DLC1: variants seen among roughly 807,000 people sequenced by gnomAD.
DLC1 encodes DLC1 Rho GTPase activating protein, also known as rho GTPase-activating protein 7.
Under a neutral mutation model 140.3 loss-of-function variants are expected in DLC1, and 54 were observed. The ratio of observed to expected loss-of-function variants is 0.38; its 90% CI spans 0.31 to 0.48. The LOEUF is 0.48. DLC1 is among the 20% of genes least tolerant of loss of function. The probability of loss-of-function intolerance (pLI) is 0.96; values close to 1 mark genes in which losing one functional copy is unlikely to be tolerated. For synonymous variants in DLC1, 986 were observed against 728.1 expected (o/e 1.35, Z -5.70); for missense variants, 2,536 against 1,907.0 (o/e 1.33, Z -6.14).
intron 3 of DLC1, among the ~76,000 whole-genome samples, chr8:13,398,854 C>G (rs1430296998): frequency 6.6e-6 from 1 of 152,070 alleles, no homozygotes; most frequent in South Asian, 2.1e-4. Flanking sequence ...GAGAAAGAAG[C>G]AAAGAGGCAC....
chr8:13,429,516 T>G (rs547145073), intron 2 of DLC1, among the ~76,000 whole-genome samples: 1 of 152,090 alleles, frequency 6.6e-6, no homozygotes. Context: ...AGAAGTAAAA[T>G]ACAAAAAGCT....
rs902101514 is a variant in DLC1, at chr8:13,215,623, A to G, written c.1348+89646T>C. ...AAATATTAAATGTGAAAAAAATTCA[A>G]ACAAAGAGCTAGAAAGTACATCCTA... On this transcript the variant is annotated intron_variant, in intron 5 of 17. Transcript: ENST00000276297. 2.6e-5 allele frequency among the ~76,000 whole-genome samples: 4 copies of G among 152,090 alleles called. No homozygotes were observed. The East Asian group carries it at 5.8e-4, about 22-fold the overall frequency.
At chr8:13,541,539 G>C (rs1803483483) in intron 1 of DLC1, among the ~76,000 whole-genome samples, 1 of 151,998 alleles carries the variant, frequency 6.6e-6, no homozygotes. Context: ...ATGATTTTGG[G>C]AATCTTTTTA....
In DLC1 at chr8:13,514,595, G is replaced by T. The variant is rs1403675105; in HGVS notation, c.-126+7C>A. On this transcript the variant is annotated splice_region_variant and intron_variant, in intron 1 of 17. Transcript: ENST00000276297. Reference sequence around the variant, plus strand: ...TCAAAGCATAAAGATAGTCCATAGCGTCTTACCTAGACAACGAGGAGCTGA... The same window carrying T: ...TCAAAGCATAAAGATAGTCCATAGCTTCTTACCTAGACAACGAGGAGCTGA... 2 of 398,362 alleles carry T rather than the reference G, an allele frequency of 5.0e-6. No individual in the cohort carries two copies. The highest frequency in any genetic ancestry group is 8.8e-5 in the Admixed American group (2 of 22,704). 24.7% of individuals were successfully genotyped at this position (398,362 alleles called of 1,614,324 possible). A position where few individuals can be genotyped will look rare whatever the true frequency, so the allele number is the denominator to read the frequency against.
intron 5 of DLC1, among the ~76,000 whole-genome samples, chr8:13,231,392 C>T (rs80236110): frequency 0.073 from 11,134 of 152,138 alleles, 543 homozygotes; most frequent in South Asian, 0.12. Context: ...GGCAAATTAC[C>T]AAACCTTATT....
chr8:13,168,315 C>T (rs1825235505), intron 5 of DLC1, among the ~76,000 whole-genome samples: 1 of 152,088 alleles, frequency 6.6e-6, no homozygotes, highest in Admixed American at 6.5e-5. Flanking sequence ...CAATATTTTC[C>T]TAAATGAAAT....
At chr8:13,188,801 G>GTGTGTGTGTGTA (rs1293675412) in intron 5 of DLC1, among the ~76,000 whole-genome samples, 5 of 71,902 alleles carry the variant, frequency 7.0e-5, no homozygotes, top group African/African-American at 3.3e-4. Flanking sequence ...GTGTGTGTGT[G>GTGTGTGTGTGTA]TATATATATA....
intron 10 of DLC1, among the ~76,000 whole-genome samples, chr8:13,097,325 T>C (rs1388423945): frequency 6.6e-6 from 1 of 151,970 alleles, no homozygotes; most frequent in African/African-American, 2.4e-5. Flanking sequence ...GCAGTAGCCT[T>C]ATCTTGGGGC....
At chr8:13,537,714 C>T (rs1803334064) in intron 1 of DLC1, among the ~76,000 whole-genome samples, 3 of 135,142 alleles carry the variant, frequency 2.2e-5, no homozygotes, top group Admixed American at 8.6e-5. Flanking sequence ...AATGCAGTGG[C>T]GCGATCTCGG....
intron 1 of DLC1, among the ~76,000 whole-genome samples, chr8:13,534,886 C>G (rs944471744): frequency 2.0e-5 from 3 of 152,160 alleles, no homozygotes; most frequent in Non-Finnish European, 4.4e-5. Context: ...AGATGTTTTG[C>G]TGACCATCAC....
At chr8:13,508,648 G>A (rs916549917) in intron 1 of DLC1, among the ~76,000 whole-genome samples, 8 of 152,058 alleles carry the variant, frequency 5.3e-5, no homozygotes, top group Non-Finnish European at 1.0e-4. Context: ...TTGATCTCCT[G>A]ACCTCGTGAT....
chr8:13,125,983 G>A (rs1427860418), intron 5 of DLC1, among the ~76,000 whole-genome samples: 2 of 151,984 alleles, frequency 1.3e-5, no homozygotes, highest in South Asian at 4.1e-4. Context: ...TAAACCAATT[G>A]AAATCCTCTT....
intron 4 of DLC1, among the ~76,000 whole-genome samples, chr8:13,375,316 C>G (rs868236255): frequency 1.3e-5 from 2 of 152,024 alleles, no homozygotes; most frequent in African/African-American, 4.8e-5. Flanking sequence ...CTTGAGCCAC[C>G]GCGCCCGGCC....
rs1306801948 is a variant in DLC1, at chr8:13,526,038, A to G, written c.-125-25842T>C. 2.6e-5 allele frequency among the ~76,000 whole-genome samples: 4 copies of G among 152,244 alleles called. No homozygotes were observed. The East Asian group carries it at 7.7e-4, about 29-fold the overall frequency. The stretch of plus-strand genomic sequence containing the variant: ...GGATCAAAGTTTTTTCTTTTTAAGT[A>G]TGGACATGCAATTGTTCCAAAACCA... On this transcript the variant is annotated intron_variant, in intron 1 of 1. Coordinates refer to the DLC1 transcript ENST00000631382.
intron 5 of DLC1, among the ~76,000 whole-genome samples, chr8:13,228,492 C>T (rs185225761): frequency 2.0e-5 from 3 of 152,150 alleles, no homozygotes; most frequent in African/African-American, 7.2e-5. Flanking sequence ...TTTGTAACCC[C>T]AACACTTTGG....
chr8:13,304,652 A>G (rs910593181), intron 5 of DLC1: 15 of 932,984 alleles, frequency 1.6e-5, no homozygotes, highest in Non-Finnish European at 1.8e-5. Context: ...TTTTTATTAC[A>G]CAGAACACAT....
intron 1 of DLC1, among the ~76,000 whole-genome samples, chr8:13,513,403 A>G (rs1802463257): frequency 6.6e-6 from 1 of 152,160 alleles, no homozygotes; most frequent in Admixed American, 6.5e-5. Context: ...TTATCAATAT[A>G]AGTTATTCTA....
chr8:13,417,100 G>A (rs576637798), intron 2 of DLC1, among the ~76,000 whole-genome samples: 2 of 152,212 alleles, frequency 1.3e-5, no homozygotes, highest in Non-Finnish European at 2.9e-5. Flanking sequence ...CTAATCAGAT[G>A]ACTTTAAATA....
chr8:13,469,721 A>G (rs552787560), intron 2 of DLC1, among the ~76,000 whole-genome samples: 2 of 152,362 alleles, frequency 1.3e-5, no homozygotes, highest in Admixed American at 1.3e-4. Context: ...ATTGAGATAT[A>G]TAGACTACAT....
Sources: gnomAD v4.1 joint callset for allele counts (sites outside exome capture counted in the v4.1 genomes callset) on GRCh38, gnomAD v4.1.1 for gene constraint, MANE v1.5 for transcripts, NCBI Gene and HGNC (gene_info 2026-07-23, HGNC 2026-07-21) for gene names.